The following DEFB118 variants were observed in gnomAD, a reference collection of about 807,000 sequenced individuals.
DEFB118 encodes the protein defensin, beta 18.
In DEFB118, 3 loss-of-function variants were observed where a neutral mutation model predicts 2.8. The ratio of observed to expected loss-of-function variants is 1.09; its 90% CI spans 0.50 to 2.82. The LOEUF (loss-of-function observed/expected upper bound fraction) is 2.82. DEFB118 is among the 30% of genes most tolerant of loss of function. The probability of loss-of-function intolerance (pLI) is 0.04; values close to 1 mark genes in which losing one functional copy is unlikely to be tolerated. For missense variants in DEFB118, 159 were observed against 144.6 expected (o/e 1.10, Z -0.51); for synonymous variants, 63 against 53.5 (o/e 1.18, Z -0.78).
Position 31,373,840 on chromosome 20 carries a change from G to T in DEFB118, c.*670G>T, listed in dbSNP as rs867919360. 7.0e-6 allele frequency: 1 copy of T among 143,566 alleles called. No individual in the cohort carries two copies. The highest frequency in any genetic ancestry group is 2.6e-5 in the African/African-American group (1 of 38,442). 8.9% of individuals were successfully genotyped at this position (143,566 alleles called of 1,614,324 possible). ...TAATCATGGACCCCCAATTGTGGGT[G>T]AAAGGATGGATCATTTATCTACCTG... On this transcript the variant is annotated 3_prime_UTR_variant, in exon 2 of 2. Transcript: ENST00000253381.
At position 31,372,893 on chromosome 20, in the gene DEFB118, G is replaced by A; in HGVS notation, c.95G>A (p.Gly32Glu). Residue 32 changes from glycine to glutamate, a missense_variant, in exon 2 of 2, where the codon GGG (glycine) becomes GAG (glutamate). By Grantham distance (98) the Gly-to-Glu change is moderately conservative. Transcript: ENST00000253381. ...SGEKKCWNRS[G>E]HCRKQCKDGE... ...GAAAAAAAATGCTGGAACAGATCAG[G>A]GCACTGCAGGAAACAATGCAAAGAT... 6.2e-7 allele frequency: 1 copy of A among 1,614,016 alleles called. No individual in the cohort carries two copies. Among genetic ancestry groups the A allele is most frequent in the Non-Finnish European group, 8.5e-7 (1 of 1,179,972 alleles).
intron 1 of DEFB118, among the ~76,000 whole-genome samples, chr20:31,371,605 T>G (rs1986211626): frequency 6.6e-6 from 1 of 152,078 alleles, no homozygotes; most frequent in Non-Finnish European, 1.5e-5. Context: ...TGAGTAGCTG[T>G]GACAATAGGC....
At chr20:31,369,253 G>A (rs12479542) in intron 1 of DEFB118, among the ~76,000 whole-genome samples, 1 of 152,112 alleles carries the variant, frequency 6.6e-6, no homozygotes, top group Non-Finnish European at 1.5e-5. Flanking sequence ...CTGGTGAAGA[G>A]AGCCTGTTTC....
intron 1 of DEFB118, 31 bp downstream of exon 1, chr20:31,368,739 A>G: frequency 3.1e-6 from 5 of 1,604,988 alleles, no homozygotes; most frequent in Non-Finnish European, 4.3e-6. Flanking sequence ...ATACAAAAAT[A>G]GAGGTATAGT....
chr20:31,372,935 A>T lies in DEFB118; in HGVS notation c.137A>T (p.Asp46Val). ...KQCKDGEAVK[D>V]TCKNLRACCI... ...TGCAAAGATGGAGAAGCAGTGAAAG[A>T]TACATGCAAAAATCTTCGAGCTTGC... Residue 46 changes from aspartate (D) to valine (V), a missense_variant, in exon 2 of 2, where the codon GAT becomes GTT. Coordinates refer to ENST00000253381, the MANE Select transcript of DEFB118 (RefSeq NM_054112.3). The T allele has an allele frequency of 1.9e-6, 3 of 1,614,230 alleles. No individual in the cohort carries two copies. Among genetic ancestry groups the T allele is most frequent in the Non-Finnish European group, 2.5e-6 (3 of 1,180,040 alleles).
chr20:31,373,336 G>T lies in DEFB118; in HGVS notation c.*166G>T. On this transcript the variant is annotated 3_prime_UTR_variant, in exon 2 of 2. Coordinates refer to ENST00000253381, the MANE Select transcript of DEFB118 (RefSeq NM_054112.3). ...GTCTAAAATTTTCACTATTTCCAAT[G>T]ATAAACTCTTCAGTGCTCTTCTTGA... 1 of 610,390 alleles carries T rather than the reference G, an allele frequency of 1.6e-6. No individual in the cohort carries two copies. Among genetic ancestry groups the T allele is most frequent in the Non-Finnish European group, 2.8e-6 (1 of 352,112 alleles). The allele number at this position is 610,390 out of a possible 1,614,324, so 37.8% of individuals were successfully genotyped here. A position where few individuals can be genotyped will look rare whatever the true frequency, so the allele number is the denominator to read the frequency against.
rs896704456 is a variant in DEFB118 at position 31,373,514 on chromosome 20, G to A, written c.*344G>A. On this transcript the variant is annotated 3_prime_UTR_variant, in exon 2 of 2. Coordinates refer to ENST00000253381, the MANE Select transcript of DEFB118 (RefSeq NM_054112.3). ...CTTCTCAACAGCTGTCTTCATGGCA[G>A]CATAAGTGGTCATGATCAAAATTCT... The A allele has an allele frequency of 1.7e-5, 4 of 237,518 alleles. No homozygotes were observed. The highest frequency in any genetic ancestry group is 2.5e-5 in the Non-Finnish European group (3 of 121,606). 14.7% of individuals were successfully genotyped at this position (237,518 alleles called of 1,614,324 possible). A position where few individuals can be genotyped will look rare whatever the true frequency, so the allele number is the denominator to read the frequency against.
At chr20:31,372,299 C>T (rs1986222719) in intron 1 of DEFB118, among the ~76,000 whole-genome samples, 1 of 152,160 alleles carries the variant, frequency 6.6e-6, no homozygotes, top group Admixed American at 6.5e-5. Context: ...CACCTGTAAT[C>T]CCAGCACTTT....
In DEFB118 at chr20:31,368,773, A is replaced by G. The variant is rs1986162208; in HGVS notation, c.58+65A>G. 3.4e-6 allele frequency: 5 copies of G among 1,479,876 alleles called. No homozygotes were observed. In the Admixed American group the frequency reaches 8.4e-5, roughly 25 times the overall value. 91.7% of individuals were successfully genotyped at this position (1,479,876 alleles called of 1,614,324 possible). On this transcript the variant is annotated intron_variant, in intron 1 of 1. Coordinates refer to ENST00000253381, the MANE Select transcript of DEFB118 (RefSeq NM_054112.3). ...GTGGGTTCTGGCTCATGAAAATTCCAATGTGTCACGGTACTCCCCAACATG... is the reference window on the plus strand; with the variant it reads ...GTGGGTTCTGGCTCATGAAAATTCCGATGTGTCACGGTACTCCCCAACATG...
At chr20:31,371,013 G>T (rs751698108) in intron 1 of DEFB118, among the ~76,000 whole-genome samples, 2 of 151,994 alleles carry the variant, frequency 1.3e-5, no homozygotes, top group Non-Finnish European at 2.9e-5. Context: ...AGCCTCCCTC[G>T]TGCTGTTGTT....
intron 1 of DEFB118, among the ~76,000 whole-genome samples, chr20:31,370,556 C>T (rs1255668209): frequency 6.6e-6 from 1 of 152,108 alleles, no homozygotes; most frequent in Non-Finnish European, 1.5e-5. Flanking sequence ...ATGAAAGAAG[C>T]ATAAAGTCTT....
rs1342525322 is a variant in DEFB118 at position 31,373,630 on chromosome 20, TACTA to T, written c.*465_*468del. 6.1e-6 allele frequency: 1 copy of T among 163,734 alleles called. No homozygotes were observed. The highest frequency in any genetic ancestry group is 2.4e-5 in the African/African-American group (1 of 41,582). The allele number at this position is 163,734 out of a possible 1,614,324, so 10.1% of individuals were successfully genotyped here. On this transcript the variant is annotated 3_prime_UTR_variant, in exon 2 of 2. Transcript: ENST00000253381. Reference sequence around the variant, plus strand: ...CTTCAGGTGAAAGCATTCATTCTCCTACTAACTATGGCCTTGGAGCCAGGTTTTA... The same window carrying T: ...CTTCAGGTGAAAGCATTCATTCTCCTACTATGGCCTTGGAGCCAGGTTTTA...
At position 31,373,270 on chromosome 20, in the gene DEFB118, C is replaced by A; in HGVS notation, c.*100C>A. ...ACCACAGTGACCCTCCCACCCCCCA[C>A]CAATATGTAATTCTATTAATAGAAA... On this transcript the variant is annotated 3_prime_UTR_variant, in exon 2 of 2. Coordinates refer to ENST00000253381, the MANE Select transcript of DEFB118 (RefSeq NM_054112.3). 1 of 1,031,234 alleles carries A rather than the reference C, an allele frequency of 9.7e-7. No homozygotes were observed. Among genetic ancestry groups the A allele is most frequent in the Non-Finnish European group, 1.4e-6 (1 of 717,618 alleles). 63.9% of individuals were successfully genotyped at this position (1,031,234 alleles called of 1,614,324 possible).
intron 1 of DEFB118, among the ~76,000 whole-genome samples, chr20:31,370,445 C>T (rs1986194237): frequency 6.6e-6 from 1 of 152,084 alleles, no homozygotes; most frequent in African/African-American, 2.4e-5. Context: ...AAAAACTCAG[C>T]ATATGGGAAG....
At position 31,368,708 on chromosome 20, in the gene DEFB118, G is replaced by A; in HGVS notation, c.58G>A (p.Ala20Thr). Residue 20 changes from alanine to threonine, a missense_variant and splice_region_variant, in exon 1 of 2, where the codon GCC becomes ACC. Ala to Thr is a moderately conservative substitution (Grantham distance 58). Transcript: ENST00000253381. The part of the protein sequence containing the change: ...MLVLLPQVIP[A>T]YSGEKKCWNR... ...TGTGCTCCTACCCCAAGTGATCCCAGGTAATCAGAGGTCAGGGAAGATACA... is the reference window on the plus strand; with the variant it reads ...TGTGCTCCTACCCCAAGTGATCCCAAGTAATCAGAGGTCAGGGAAGATACA... 1 of 1,613,296 alleles carries A rather than the reference G, an allele frequency of 6.2e-7. No homozygotes were observed. Among genetic ancestry groups the A allele is most frequent in the African/African-American group, 1.3e-5 (1 of 75,006 alleles).
chr20:31,369,104 A>G (rs1193457991), intron 1 of DEFB118, among the ~76,000 whole-genome samples: 1 of 152,216 alleles, frequency 6.6e-6, no homozygotes, highest in Non-Finnish European at 1.5e-5. Context: ...TTTGGTGAAC[A>G]AGTCAGAAAA....
At position 31,373,507 on chromosome 20, in the gene DEFB118, C is replaced by A; in HGVS notation, c.*337C>A. On this transcript the variant is annotated 3_prime_UTR_variant, in exon 2 of 2. Transcript: ENST00000253381. ...GTTCTGTCTTCTCAACAGCTGTCTT[C>A]ATGGCAGCATAAGTGGTCATGATCA... The A allele has an allele frequency of 3.8e-6, 1 of 261,786 alleles. No homozygotes were observed. The highest frequency in any genetic ancestry group is 7.3e-6 in the Non-Finnish European group (1 of 136,848). 16.2% of individuals were successfully genotyped at this position (261,786 alleles called of 1,614,324 possible). A position where few individuals can be genotyped will look rare whatever the true frequency, so the allele number is the denominator to read the frequency against.
chr20:31,368,954 C>T (rs1400888129), intron 1 of DEFB118, among the ~76,000 whole-genome samples: 1 of 152,204 alleles, frequency 6.6e-6, no homozygotes, highest in African/African-American at 2.4e-5. Context: ...TAGGGGAAAG[C>T]TCGGCTCACA....
intron 1 of DEFB118, among the ~76,000 whole-genome samples, chr20:31,371,012 C>T (rs894613668): frequency 6.6e-6 from 1 of 152,106 alleles, no homozygotes; most frequent in Admixed American, 6.6e-5. Context: ...CAGCCTCCCT[C>T]GTGCTGTTGT....
Sources: gnomAD v4.1 joint callset for allele counts (sites outside exome capture counted in the v4.1 genomes callset) on GRCh38, gnomAD v4.1.1 for gene constraint, MANE v1.5 for transcripts, NCBI Gene and HGNC (gene_info 2026-07-23, HGNC 2026-07-21) for gene names.